Variants in HS3ST4 observed in about 807,000 individuals in gnomAD.
The protein encoded by HS3ST4 is heparan sulfate-glucosamine 3-sulfotransferase 4.
In HS3ST4, 17 loss-of-function variants were observed where a neutral mutation model predicts 29.2. That is an observed-to-expected ratio of 0.58 (90% confidence interval 0.40 to 0.87). HS3ST4 has a LOEUF of 0.87. HS3ST4 is among the 40% of genes least tolerant of loss of function. HS3ST4 has a pLI of 0.00. For synonymous variants in HS3ST4, 314 were observed against 285.7 expected (o/e 1.10, Z -1.00); for missense variants, 627 against 634.5 (o/e 0.99, Z 0.13).
intron 1 of HS3ST4, among the ~76,000 whole-genome samples, chr16:25,796,500 T>A (rs1421391303): frequency 6.6e-6 from 1 of 152,218 alleles, no homozygotes; most frequent in Non-Finnish European, 1.5e-5. Flanking sequence ...CGGTCTATAG[T>A]GCTTGTCACT....
chr16:25,734,478 C>G (rs921412352), intron 1 of HS3ST4, among the ~76,000 whole-genome samples: 1 of 152,178 alleles, frequency 6.6e-6, no homozygotes, highest in Admixed American at 6.5e-5. Flanking sequence ...GTCCTCCTAA[C>G]TCCCACCTCC....
At chr16:25,795,943 T>C (rs546447662) in intron 1 of HS3ST4, among the ~76,000 whole-genome samples, 1 of 146,898 alleles carries the variant, frequency 6.8e-6, no homozygotes, top group East Asian at 1.9e-4. Context: ...CTGTCAAAAC[T>C]CTTTTTTTTT....
At chr16:25,908,778 G>A (rs1010682930) in intron 1 of HS3ST4, among the ~76,000 whole-genome samples, 1 of 152,214 alleles carries the variant, frequency 6.6e-6, no homozygotes, top group Non-Finnish European at 1.5e-5. Context: ...AGGTGAGGTA[G>A]CAAAAGTTGT....
intron 1 of HS3ST4, among the ~76,000 whole-genome samples, chr16:26,078,440 A>G (rs1898691229): frequency 6.6e-6 from 1 of 152,038 alleles, no homozygotes; most frequent in Non-Finnish European, 1.5e-5. Flanking sequence ...GAGCCACCGC[A>G]CCCAGCCTGT....
intron 1 of HS3ST4, among the ~76,000 whole-genome samples, chr16:26,019,687 C>T (rs185627742): frequency 7.9e-5 from 12 of 152,210 alleles, no homozygotes; most frequent in Non-Finnish European, 1.5e-4. Flanking sequence ...ATCTGCACAA[C>T]GTTGCCTCTT....
intron 1 of HS3ST4, among the ~76,000 whole-genome samples, chr16:25,950,715 G>A (rs757400265): frequency 3.9e-5 from 6 of 152,096 alleles, no homozygotes; most frequent in African/African-American, 9.7e-5. Context: ...AGGTAAAAGA[G>A]CATCGACTTT....
chr16:25,883,668 T>C (rs4787777), intron 1 of HS3ST4, among the ~76,000 whole-genome samples: 111,501 of 152,100 alleles, frequency 0.73, 41,037 homozygotes, highest in African/African-American at 0.77. Flanking sequence ...GTGTGGAGTG[T>C]TTACACAGGA....
rs1053838480 is a variant in HS3ST4 at position 25,692,172 on chromosome 16, G to C, written c.-246G>C. On this transcript the variant is annotated 5_prime_UTR_variant, in exon 1 of 2. Transcript: ENST00000331351. ...CTGAGGCTGAGGGGGGGGCGGTGGT[G>C]GGGGGGCCACCCGGACTCGGCGGGC... 6.7e-6 allele frequency: 1 copy of C among 148,494 alleles called. No individual in the cohort carries two copies. The highest frequency in any genetic ancestry group is 1.5e-5 in the Non-Finnish European group (1 of 66,182). 9.2% of individuals were successfully genotyped at this position (148,494 alleles called of 1,614,324 possible). A position where few individuals can be genotyped will look rare whatever the true frequency, so the allele number is the denominator to read the frequency against.
At chr16:26,109,718 G>GTT (rs56102785) in intron 1 of HS3ST4, among the ~76,000 whole-genome samples, 77 of 147,256 alleles carry the variant, frequency 5.2e-4, no homozygotes, top group South Asian at 1.5e-3. Flanking sequence ...TATACTCACT[G>GTT]TTTTTTTTTT....
At chr16:26,001,369 A>G (rs1969210256) in intron 1 of HS3ST4, among the ~76,000 whole-genome samples, 1 of 152,182 alleles carries the variant, frequency 6.6e-6, no homozygotes, top group Admixed American at 6.5e-5. Context: ...ATGATAAAGT[A>G]TTTTGCTTTA....
At chr16:25,890,293 G>A (rs1408320782) in intron 1 of HS3ST4, among the ~76,000 whole-genome samples, 1 of 152,152 alleles carries the variant, frequency 6.6e-6, no homozygotes, top group Admixed American at 6.5e-5. Flanking sequence ...CCACCACTAT[G>A]TATTTCCTTC....
chr16:26,051,803 C>T (rs889172705), intron 1 of HS3ST4, among the ~76,000 whole-genome samples: 5 of 150,670 alleles, frequency 3.3e-5, no homozygotes, highest in Admixed American at 2.0e-4. Context: ...TTTCTTTTTC[C>T]TCTCTCCCTT....
chr16:25,737,991 G>A (rs1190762725), intron 1 of HS3ST4, among the ~76,000 whole-genome samples: 1 of 146,926 alleles, frequency 6.8e-6, no homozygotes, highest in African/African-American at 2.5e-5. Context: ...TGCAACCTCC[G>A]CCTCCTGGGT....
chr16:25,712,815 A>G (rs1966425873), intron 1 of HS3ST4, among the ~76,000 whole-genome samples: 1 of 152,188 alleles, frequency 6.6e-6, no homozygotes, highest in Non-Finnish European at 1.5e-5. Context: ...AACAGAACAC[A>G]AGAGACTGGG....
At chr16:25,948,256 C>T (rs1207612640) in intron 1 of HS3ST4, among the ~76,000 whole-genome samples, 1 of 152,062 alleles carries the variant, frequency 6.6e-6, no homozygotes, top group Non-Finnish European at 1.5e-5. Flanking sequence ...TGCCATGAAA[C>T]GTGATCATTC....
chr16:25,890,403 T>C (rs1967996065), intron 1 of HS3ST4, among the ~76,000 whole-genome samples: 1 of 152,184 alleles, frequency 6.6e-6, no homozygotes, highest in Non-Finnish European at 1.5e-5. Context: ...GAATGTGACA[T>C]AGAGACAGAA....
chr16:26,075,064 G>A (rs190623321), intron 1 of HS3ST4, among the ~76,000 whole-genome samples: 123 of 152,246 alleles, frequency 8.1e-4, no homozygotes, highest in South Asian at 1.9e-3. Flanking sequence ...GTGGTGGTAC[G>A]CGCCTGTAGT....
intron 1 of HS3ST4, among the ~76,000 whole-genome samples, chr16:25,999,853 T>TTA (rs1312347226): frequency 7.4e-5 from 10 of 134,232 alleles, no homozygotes; most frequent in Non-Finnish European, 1.4e-4. Context: ...TTTATATATA[T>TTA]TATATATATA....
In HS3ST4 at chr16:26,009,995, C is replaced by A. The variant is rs912681202; in HGVS notation, c.735-125617C>A. Among the ~76,000 whole-genome samples, 9 of 152,136 alleles carry A rather than the reference C, an allele frequency of 5.9e-5. No homozygotes were observed. The East Asian group carries it at 1.7e-3, about 29-fold the overall frequency. On this transcript the variant is annotated intron_variant, in intron 1 of 1. Transcript: ENST00000331351. ...GCCGTATCTCCTTTATTCTTAGGGA[C>A]CAGATTATCATTCATTCATTCAACT...
Sources: allele counts gnomAD v4.1 joint callset (sites outside exome capture counted in the v4.1 genomes callset), GRCh38; gene constraint gnomAD v4.1.1; transcripts MANE v1.5; gene names NCBI Gene and HGNC (gene_info 2026-07-23, HGNC 2026-07-21).